Variants in NDUFB1 observed in about 807,000 individuals in gnomAD.
The protein encoded by NDUFB1 is NADH:ubiquinone oxidoreductase subunit B1, also known as NADH dehydrogenase [ubiquinone] 1 beta subcomplex subunit 1.
NDUFB1 carries 6 observed loss-of-function variants against 6.7 expected under a neutral mutation model. The ratio of observed to expected loss-of-function variants is 0.89; its 90% CI spans 0.49 to 1.76. The LOEUF (loss-of-function observed/expected upper bound fraction) is 1.76, where lower values mean the gene tolerates loss of function less well. NDUFB1 is among the 40% of genes most tolerant of loss of function. The pLI, the probability that NDUFB1 is intolerant of heterozygous loss-of-function variation, is 0.01. For missense variants in NDUFB1, 56 were observed against 71.0 expected (o/e 0.79, Z 0.76); for synonymous variants, 17 against 22.9 (o/e 0.74, Z 0.74).
At chr14:92,118,975 G>GA (rs1332923171) in intron 1 of NDUFB1, 72 of 326,558 alleles carry the variant, frequency 2.2e-4, no homozygotes, top group Admixed American at 3.3e-4. Context: ...CTCTGTCTCA[G>GA]AAAAAAAAGA....
intron 1 of NDUFB1, chr14:92,118,966 T>C: frequency 2.7e-6 from 1 of 370,352 alleles, no homozygotes; most frequent in South Asian, 1.9e-5. Context: ...ACAGCGAGTC[T>C]CTGTCTCAGA....
chr14:92,117,266 C>A (rs751209341), intron 2 of NDUFB1, among the ~76,000 whole-genome samples: 1 of 152,098 alleles, frequency 6.6e-6, no homozygotes, highest in African/African-American at 2.4e-5. Context: ...TAAAAAAAGA[C>A]GATACTTTCA....
chr14:92,121,457 C>G, intron 1 of NDUFB1, 185 bp downstream of exon 1: 1 of 888,986 alleles, frequency 1.1e-6, no homozygotes, highest in Non-Finnish European at 1.7e-6. Flanking sequence ...AGCTCCGGCC[C>G]GGAAATCCCA....
rs527380022 is a variant in NDUFB1 at position 92,120,277 on chromosome 14, G to A, written c.-6+1365C>T. The stretch of plus-strand genomic sequence containing the variant: ...AAGTGCTTAGCACTAAGCTGTGCTA[G>A]GACTATGTAGACTGAATTTCTGCCT... On this transcript the variant is annotated intron_variant, in intron 1 of 2. Transcript: ENST00000605997. 26 of 151,950 alleles carry A rather than the reference G, an allele frequency of 1.7e-4. 1 individual carries two copies. Among genetic ancestry groups the A allele is most frequent in the Admixed American group, 1.3e-3 (20 of 15,274 alleles). 9.4% of individuals were successfully genotyped at this position (151,950 alleles called of 1,614,324 possible).
At chr14:92,118,988 G>A (rs202200084) in intron 1 of NDUFB1, 23 of 347,814 alleles carry the variant, frequency 6.6e-5, no homozygotes, top group East Asian at 1.2e-4. Context: ...AAAAAAGAAA[G>A]AAAAAAAAAG....
intron 1 of NDUFB1, among the ~76,000 whole-genome samples, chr14:92,119,768 CTTTT>C (rs35366427): frequency 2.8e-5 from 4 of 145,174 alleles, no homozygotes; most frequent in East Asian, 4.0e-4. Flanking sequence ...TTATATGAAA[CTTTT>C]TTTTTTTTTT....
At position 92,116,193 on chromosome 14, in the gene NDUFB1, T is replaced by C. The variant is rs139643440; in HGVS notation, c.177A>G (p.Ter59=). The change falls in exon 3 of 3, where the codon TAA becomes TAG. Residue 59 remains the stop codon, a stop_retained_variant. Coordinates refer to ENST00000605997, the MANE Select transcript of NDUFB1 (RefSeq NM_004545.4). ...LQPSEEVTWK[*] ...GAACATTCGATAATCTAGCCAGTCT[T>C]TACTTCCAGGTAACTTCTTCACTGG... 3.7e-6 allele frequency: 6 copies of C among 1,612,652 alleles called. No homozygotes were observed. In the African/African-American group the frequency reaches 6.7e-5, roughly 18 times the overall value.
intron 1 of NDUFB1, among the ~76,000 whole-genome samples, chr14:92,119,574 T>C (rs1013333891): frequency 6.6e-6 from 1 of 152,190 alleles, no homozygotes; most frequent in African/African-American, 2.4e-5. Context: ...AGAAGGTAGA[T>C]GAGGAGGAAT....
At chr14:92,119,075 A>G in intron 1 of NDUFB1, 1 of 209,800 alleles carries the variant, frequency 4.8e-6, no homozygotes, top group Non-Finnish European at 1.0e-5. Flanking sequence ...ACTTTGGGAG[A>G]CTAAGGCGGA....
intron 1 of NDUFB1, 139 bp downstream of exon 1, chr14:92,121,503 G>T: frequency 1.6e-6 from 2 of 1,282,540 alleles, no homozygotes; most frequent in African/African-American, 1.5e-5. Flanking sequence ...TTCCTTTCCC[G>T]TCACCTTCGT....
chr14:92,117,076 T>C (rs545600478), intron 2 of NDUFB1, among the ~76,000 whole-genome samples: 3 of 152,242 alleles, frequency 2.0e-5, no homozygotes, highest in Admixed American at 2.0e-4. Context: ...TACCACCAGG[T>C]CTAAAGCTCT....
intron 2 of NDUFB1, among the ~76,000 whole-genome samples, chr14:92,116,760 A>G (rs1298017252): frequency 3.3e-5 from 5 of 152,194 alleles, no homozygotes; most frequent in Non-Finnish European, 7.3e-5. Flanking sequence ...TGGGTTAAAG[A>G]ATTGTAATTA....
At chr14:92,116,995 A>C (rs2068721724) in intron 2 of NDUFB1, among the ~76,000 whole-genome samples, 1 of 152,154 alleles carries the variant, frequency 6.6e-6, no homozygotes, top group Non-Finnish European at 1.5e-5. Context: ...TGCTAACTGG[A>C]ACTCTCTGCT....
intron 1 of NDUFB1, chr14:92,120,209 CAT>C (rs1409474752): frequency 6.6e-6 from 1 of 152,164 alleles, no homozygotes; most frequent in East Asian, 1.9e-4. Flanking sequence ...ACTAAGAAGA[CAT>C]ATGACAACAT....
intron 1 of NDUFB1, 23 bp from the exon 2 acceptor site, chr14:92,117,665 GA>G (rs778004083): frequency 2.5e-6 from 4 of 1,595,924 alleles, no homozygotes; most frequent in African/African-American, 2.9e-5. Context: ...AAAATTATCA[GA>G]AATACAACTG....
chr14:92,118,107 A>C (rs1435558943), intron 1 of NDUFB1: 2 of 180,370 alleles, frequency 1.1e-5, no homozygotes, highest in Non-Finnish European at 2.4e-5. Flanking sequence ...ATGTAGTATA[A>C]TACTTTAAAA....
Position 92,117,641 on chromosome 14 carries a change from A to T in NDUFB1, c.-4T>A. On this transcript the variant is annotated splice_region_variant and 5_prime_UTR_variant, in exon 2 of 3. Coordinates refer to ENST00000605997, the MANE Select transcript of NDUFB1 (RefSeq NM_004545.4). ...CAATCTGAAGTAAGTTCACCATGAT[A>T]GCTAAAAGAAAAAAAAATTATCAGA... 2 of 1,612,796 alleles carry T rather than the reference A, an allele frequency of 1.2e-6. No individual in the cohort carries two copies. The highest frequency in any genetic ancestry group is 1.7e-6 in the Non-Finnish European group (2 of 1,179,714).
In NDUFB1 at chr14:92,118,961, G is replaced by A. The variant is rs751090952; in HGVS notation, c.-5-1319C>T. The A allele has an allele frequency of 3.8e-5, 14 of 371,534 alleles. No homozygotes were observed. In the Middle Eastern group the frequency reaches 1.5e-3, roughly 40 times the overall value. The allele number at this position is 371,534 out of a possible 1,614,324, so 23.0% of individuals were successfully genotyped here. A position where few individuals can be genotyped will look rare whatever the true frequency, so the allele number is the denominator to read the frequency against. Reference sequence around the variant, plus strand: ...TACACTCCAGCCTGGGGGATACAGCGAGTCTCTGTCTCAGAAAAAAAAGAA... The same window carrying A: ...TACACTCCAGCCTGGGGGATACAGCAAGTCTCTGTCTCAGAAAAAAAAGAA... On this transcript the variant is annotated intron_variant, in intron 1 of 2. Transcript: ENST00000605997.
intron 1 of NDUFB1, among the ~76,000 whole-genome samples, chr14:92,119,978 C>T (rs2068741524): frequency 6.6e-6 from 1 of 152,064 alleles, no homozygotes; most frequent in Admixed American, 6.6e-5. Flanking sequence ...CCAGGCTGGT[C>T]TCAAACTTGT....
Sources: allele counts gnomAD v4.1 joint callset (sites outside exome capture counted in the v4.1 genomes callset), GRCh38; gene constraint gnomAD v4.1.1; transcripts MANE v1.5; gene names NCBI Gene and HGNC (gene_info 2026-07-23, HGNC 2026-07-21).